The following LOXHD1 variants were observed in gnomAD, a reference collection of about 807,000 sequenced individuals.
LOXHD1 encodes the protein lipoxygenase homology domain-containing protein 1.
Under a neutral mutation model 248.2 loss-of-function variants are expected in LOXHD1, and 205 were observed. The ratio of observed to expected loss-of-function variants is 0.83; its 90% CI spans 0.74 to 0.93. LOXHD1 has a LOEUF of 0.93. Ranked by LOEUF, LOXHD1 falls within the 40% of genes least tolerant of loss-of-function variation. LOXHD1 has a pLI of 0.00. For missense variants in LOXHD1, 2,930 were observed against 2,971.6 expected (o/e 0.99, Z 0.33); for synonymous variants, 1,113 against 1,162.8 (o/e 0.96, Z 0.87).
In LOXHD1 at chr18:46,563,181, C is replaced by A; in HGVS notation, c.2482G>T (p.Ala828Ser). ...ATGTAGACTCGGGCACTGGTGCCTG[C>A]GCCACCCACATCTCCTGTCCAAATC... ...VEIWTGDVGG[A>S]GTSARVYMQI... is the part of the protein sequence containing the mutation. Residue 828 changes from alanine to serine, a missense_variant, in exon 18 of 41, where the codon GCA becomes TCA. By Grantham distance (99) the Ala-to-Ser change is moderately conservative. Coordinates refer to ENST00000642948, the MANE Select transcript of LOXHD1 (RefSeq NM_001384474.1). 1.3e-6 allele frequency: 2 copies of A among 1,525,572 alleles called. No individual in the cohort carries two copies. Among genetic ancestry groups the A allele is most frequent in the Non-Finnish European group, 1.8e-6 (2 of 1,125,424 alleles). 94.5% of individuals were successfully genotyped at this position (1,525,572 alleles called of 1,614,324 possible). A position where few individuals can be genotyped will look rare whatever the true frequency, so the allele number is the denominator to read the frequency against.
intron 37 of LOXHD1, among the ~76,000 whole-genome samples, chr18:46,501,115 G>A (rs1234025848): frequency 1.3e-5 from 2 of 152,138 alleles, no homozygotes; most frequent in East Asian, 1.9e-4. Context: ...AGTACTCAAT[G>A]GATATATAGT....
chr18:46,494,847 C>CTTATTT (rs1256277774), intron 37 of LOXHD1, among the ~76,000 whole-genome samples: 2 of 113,430 alleles, frequency 1.8e-5, no homozygotes, highest in African/African-American at 6.1e-5. Flanking sequence ...TTTTCTCTCT[C>CTTATTT]TCTTTTTTTT....
chr18:46,491,236 A>G (rs1053252978), intron 37 of LOXHD1, among the ~76,000 whole-genome samples: 12 of 152,294 alleles, frequency 7.9e-5, no homozygotes, highest in African/African-American at 2.9e-4. Flanking sequence ...ATTGCTACAG[A>G]CCTCTGGAGT....
intron 37 of LOXHD1, among the ~76,000 whole-genome samples, chr18:46,495,200 T>C (rs1266132949): frequency 6.6e-6 from 1 of 152,156 alleles, no homozygotes; most frequent in Admixed American, 6.5e-5. Flanking sequence ...CTTTCTTTCC[T>C]CAGAGCTTAA....
rs2038017647 is a variant in LOXHD1, at chr18:46,584,215, A to G, written c.1655-4431T>C. ...ATAATATTTTTACAAGAGTAGTTAC[A>G]AGAGACTGGGGAAAGGAGGGGGGAG... On this transcript the variant is annotated intron_variant, in intron 12 of 40. Coordinates refer to ENST00000642948, the MANE Select transcript of LOXHD1 (RefSeq NM_001384474.1). 2.0e-5 allele frequency among the ~76,000 whole-genome samples: 3 copies of G among 152,100 alleles called. No homozygotes were observed. In the South Asian group the frequency reaches 6.2e-4, roughly 32 times the overall value.
chr18:46,560,049 C>CCCAG (rs2144008905), intron 19 of LOXHD1, 34 bp downstream of exon 19: 42 of 555,524 alleles, frequency 7.6e-5, no homozygotes, highest in Non-Finnish European at 1.1e-4. Flanking sequence ...TCTGGCCACT[C>CCCAG]CCTCCCCACC....
intron 4 of LOXHD1, among the ~76,000 whole-genome samples, chr18:46,630,287 T>C (rs1190208976): frequency 2.6e-5 from 4 of 152,226 alleles, no homozygotes; most frequent in Non-Finnish European, 5.9e-5. Context: ...TGGTGGAGCC[T>C]TCCCCAGGCA....
chr18:46,615,881 T>C (rs2038579290), intron 5 of LOXHD1, among the ~76,000 whole-genome samples: 1 of 152,250 alleles, frequency 6.6e-6, no homozygotes, highest in African/African-American at 2.4e-5. Flanking sequence ...TTGTTAAGTT[T>C]ACACAAGTTA....
intron 10 of LOXHD1, 85 bp downstream of exon 10, chr18:46,593,515 T>C: frequency 6.8e-7 from 1 of 1,469,310 alleles, no homozygotes; most frequent in Non-Finnish European, 9.2e-7. Context: ...GTCCAAAACC[T>C]GGCTTAGAGA....
rs2035561950 is a variant in LOXHD1 at position 46,521,190 on chromosome 18, G to T, written c.5178C>A (p.Asn1726Lys). Residue 1726 changes from asparagine to lysine, a missense_variant, in exon 33 of 41, where the codon AAC (asparagine) becomes AAA (lysine). By Grantham distance (94) the Asn-to-Lys change is moderately conservative (BLOSUM62 0). Transcript: ENST00000642948. ...TGTCCTTGGCCAGCCAGCAGTTACA[G>T]TTCAACATGTACTTGGTGCCCTGGG... Reference protein sequence around the residue: ...VPTQGTKYMLNCNCWLAKDRG... With the variant: ...VPTQGTKYMLKCNCWLAKDRG... 3 of 1,551,754 alleles carry T rather than the reference G, an allele frequency of 1.9e-6. No homozygotes were observed. Among genetic ancestry groups the T allele is most frequent in the Non-Finnish European group, 2.6e-6 (3 of 1,147,010 alleles).
intron 5 of LOXHD1, among the ~76,000 whole-genome samples, chr18:46,614,742 A>AAATAAATAAAT (rs1260354933): frequency 6.6e-6 from 1 of 151,482 alleles, no homozygotes; most frequent in East Asian, 1.9e-4. Context: ...ATAAATAAAT[A>AAATAAATAAAT]AATAACTTTT....
chr18:46,628,885 G>A (rs901760949), intron 4 of LOXHD1, among the ~76,000 whole-genome samples: 8 of 152,214 alleles, frequency 5.3e-5, no homozygotes, highest in African/African-American at 1.7e-4. Context: ...CAGAGCTTAA[G>A]GCATCTGCTC....
intron 17 of LOXHD1, 67 bp downstream of exon 17, chr18:46,566,190 C>T (rs1000000212): frequency 4.2e-6 from 6 of 1,423,036 alleles, no homozygotes; most frequent in Non-Finnish European, 5.7e-6. Flanking sequence ...CATGGTCCCT[C>T]CTCCTTCCCC....
chr18:46,483,874 T>A, intron 39 of LOXHD1, 129 bp from the exon 40 acceptor site: 4 of 1,103,988 alleles, frequency 3.6e-6, no homozygotes, highest in Middle Eastern at 3.1e-4. Context: ...CAGGAGCTCA[T>A]GGCAGTCCTG....
chr18:46,569,367 T>A, intron 16 of LOXHD1, 75 bp downstream of exon 16: 1 of 1,235,664 alleles, frequency 8.1e-7, no homozygotes, highest in Non-Finnish European at 1.1e-6. Flanking sequence ...TGGACATATG[T>A]GTGTGTGGAC....
chr18:46,544,498 G>C (rs1175850228), intron 23 of LOXHD1, among the ~76,000 whole-genome samples: 1 of 152,176 alleles, frequency 6.6e-6, no homozygotes, highest in Non-Finnish European at 1.5e-5. Context: ...TATATTATCT[G>C]CTTTATCCAA....
chr18:46,478,231 TTTA>T (rs2032205108), intron 40 of LOXHD1, among the ~76,000 whole-genome samples: 1 of 152,132 alleles, frequency 6.6e-6, no homozygotes, highest in Admixed American at 6.5e-5. Context: ...TCCTGTTGAC[TTTA>T]TTTTTTTTTT....
chr18:46,575,296 G>A (rs1052474929), intron 14 of LOXHD1, among the ~76,000 whole-genome samples: 2 of 152,126 alleles, frequency 1.3e-5, no homozygotes, highest in African/African-American at 4.8e-5. Flanking sequence ...GTCCTCTCTG[G>A]TGTACAATAA....
At chr18:46,581,193 G>T (rs1459580291) in intron 12 of LOXHD1, among the ~76,000 whole-genome samples, 1 of 152,172 alleles carries the variant, frequency 6.6e-6, no homozygotes, top group African/African-American at 2.4e-5. Context: ...TAGAAGAGAG[G>T]ATGGTGCCTA....
Sources: gnomAD v4.1 joint callset for allele counts (sites outside exome capture counted in the v4.1 genomes callset) on GRCh38, gnomAD v4.1.1 for gene constraint, MANE v1.5 for transcripts, NCBI Gene and HGNC (gene_info 2026-07-23, HGNC 2026-07-21) for gene names.